VMP1: variants seen among roughly 807,000 people sequenced by gnomAD.
The protein encoded by VMP1 is ectopic P-granules autophagy protein 3 homolog.
In VMP1, 11 loss-of-function variants were observed where a neutral mutation model predicts 56.0. The ratio of observed to expected loss-of-function variants is 0.20; its 90% CI spans 0.12 to 0.32. The LOEUF is 0.32. Among genes scored for constraint, VMP1 ranks in the 10% least tolerant of loss-of-function variants. The pLI, the probability that VMP1 is intolerant of heterozygous loss-of-function variation, is 1.00. For synonymous variants in VMP1, 149 were observed against 165.0 expected, an observed-to-expected ratio of 0.90 and a Z score of 0.74; for missense variants, 296 against 490.3, an observed-to-expected ratio of 0.60 and a Z score of 3.74.
At chr17:59,735,534 C>T (rs1598311004) in intron 3 of VMP1, 61 bp downstream of exon 3, 5 of 1,576,448 alleles carry the variant, frequency 3.2e-6, no homozygotes, top group East Asian at 2.2e-5. Context: ...AAAAAATCCT[C>T]AGTAATCTCT....
chr17:59,788,331 A>G (rs1598394801), intron 7 of VMP1, among the ~76,000 whole-genome samples: 1 of 151,764 alleles, frequency 6.6e-6, no homozygotes, highest in South Asian at 2.1e-4. Context: ...TACTAAAAAT[A>G]CAAAAATTAC....
chr17:59,751,875 C>T (rs961915485), intron 5 of VMP1, among the ~76,000 whole-genome samples: 1 of 151,818 alleles, frequency 6.6e-6, no homozygotes, highest in Admixed American at 6.6e-5. Context: ...AGTACAGTGG[C>T]ATGAATATGG....
intron 11 of VMP1, 139 bp downstream of exon 11, chr17:59,838,536 A>G: frequency 5.1e-6 from 4 of 778,394 alleles, no homozygotes; most frequent in Non-Finnish European, 6.4e-6. Flanking sequence ...GCGTCTGTGT[A>G]TGCTCTACTG....
At chr17:59,824,528 G>C (rs1316715196) in intron 10 of VMP1, among the ~76,000 whole-genome samples, 2 of 149,038 alleles carry the variant, frequency 1.3e-5, no homozygotes, top group African/African-American at 4.9e-5. Flanking sequence ...AGCCAAGATC[G>C]TGCCAGTGCA....
At chr17:59,785,248 C>A (rs2036967412) in intron 7 of VMP1, among the ~76,000 whole-genome samples, 1 of 152,128 alleles carries the variant, frequency 6.6e-6, no homozygotes, top group African/African-American at 2.4e-5. Flanking sequence ...TTTTAATGAC[C>A]TGCTACTTGG....
intron 10 of VMP1, among the ~76,000 whole-genome samples, chr17:59,831,612 ATTTTTTT>A (rs34016289): frequency 7.5e-6 from 1 of 132,898 alleles, no homozygotes; most frequent in African/African-American, 2.8e-5. Context: ...TTTTGAATGG[ATTTTTTT>A]TTTTTTTTTT....
intron 10 of VMP1, 56 bp from the exon 11 acceptor site, chr17:59,838,239 C>T (rs2039045965): frequency 6.7e-7 from 1 of 1,482,136 alleles, no homozygotes; most frequent in Non-Finnish European, 9.3e-7. Context: ...TAACGTTTTT[C>T]CTGCTTTTCT....
rs147581285 is a variant in VMP1, at chr17:59,800,272, G to A, written c.715-8524G>A. On this transcript the variant is annotated intron_variant, in intron 7 of 11. Transcript: ENST00000262291. ...CATTTTAGAAAATATTTAATGATAC[G>A]TTATTAGGGTCTTAATAACAAGTTA... Among the ~76,000 whole-genome samples, 301 of 152,220 alleles carry A rather than the reference G, an allele frequency of 2.0e-3. 2 individuals are homozygous for A. Among genetic ancestry groups the A allele is most frequent in the African/African-American group, 6.8e-3 (282 of 41,538 alleles).
chr17:59,794,176 T>C (rs1211839730), intron 7 of VMP1, among the ~76,000 whole-genome samples: 1 of 143,900 alleles, frequency 6.9e-6, no homozygotes, highest in African/African-American at 2.6e-5. Flanking sequence ...TGCCTCAGCC[T>C]CCCAAAGTGC....
intron 5 of VMP1, among the ~76,000 whole-genome samples, chr17:59,752,507 T>C (rs1462360001): frequency 1.3e-5 from 2 of 152,196 alleles, no homozygotes; most frequent in Admixed American, 1.3e-4. Context: ...TTTCACATGA[T>C]GCTTTAGAAA....
At chr17:59,766,841 G>A (rs1436914621) in intron 6 of VMP1, among the ~76,000 whole-genome samples, 2 of 151,460 alleles carry the variant, frequency 1.3e-5, no homozygotes, top group South Asian at 2.1e-4. Flanking sequence ...GTGTGGTAGC[G>A]CAATCTCGGC....
chr17:59,760,854 C>T (rs985167719), intron 5 of VMP1, among the ~76,000 whole-genome samples: 14 of 152,286 alleles, frequency 9.2e-5, no homozygotes, highest in African/African-American at 3.4e-4. Context: ...CTCCTGACCT[C>T]ATGATCCACC....
intron 5 of VMP1, among the ~76,000 whole-genome samples, chr17:59,750,951 G>A (rs1320718600): frequency 1.3e-5 from 1 of 74,902 alleles, no homozygotes; most frequent in Non-Finnish European, 2.3e-5. Context: ...TTTTTTTTTG[G>A]AGACAGAGTC....
intron 10 of VMP1, among the ~76,000 whole-genome samples, chr17:59,836,532 A>T (rs148731545): frequency 6.6e-6 from 1 of 152,052 alleles, no homozygotes; most frequent in East Asian, 1.9e-4. Flanking sequence ...CCCCTCACTG[A>T]TCTCTCTTTT....
intron 5 of VMP1, among the ~76,000 whole-genome samples, chr17:59,757,727 T>C (rs2035895720): frequency 6.6e-6 from 1 of 152,076 alleles, no homozygotes; most frequent in Non-Finnish European, 1.5e-5. Context: ...TGAGACTAGA[T>C]ATATGGAACT....
At chr17:59,831,621 T>TTTA (rs1481112818) in intron 10 of VMP1, among the ~76,000 whole-genome samples, 1 of 151,714 alleles carries the variant, frequency 6.6e-6, no homozygotes, top group East Asian at 1.9e-4. Flanking sequence ...GATTTTTTTT[T>TTTA]TTTTTTTTTT....
chr17:59,791,784 A>G (rs2144123558), intron 7 of VMP1, among the ~76,000 whole-genome samples: 1 of 152,224 alleles, frequency 6.6e-6, no homozygotes, highest in East Asian at 1.9e-4. Context: ...ATATTTAAAT[A>G]AATTTTCCCC....
chr17:59,779,121 G>A (rs1195688899), intron 7 of VMP1, among the ~76,000 whole-genome samples: 1 of 152,176 alleles, frequency 6.6e-6, no homozygotes, highest in Non-Finnish European at 1.5e-5. Flanking sequence ...CAGTACGAAG[G>A]GGTTAAGACA....
chr17:59,817,625 A>G lies in VMP1; in HGVS notation c.913-87A>G, dbSNP rs2038290117. On this transcript the variant is annotated intron_variant, in intron 9 of 11. Transcript: ENST00000262291. Reference sequence around the variant, plus strand: ...AAATTGCAATTAGGGGCACAATCTTACCTCTTTAGACTATTACCAGAATTG... The same window carrying G: ...AAATTGCAATTAGGGGCACAATCTTGCCTCTTTAGACTATTACCAGAATTG... 9.7e-6 allele frequency: 9 copies of G among 928,564 alleles called. No homozygotes were observed. The South Asian group carries it at 1.1e-4, about 11-fold the overall frequency. The allele number at this position is 928,564 out of a possible 1,614,324, so 57.5% of individuals were successfully genotyped here. A position where few individuals can be genotyped will look rare whatever the true frequency, so the allele number is the denominator to read the frequency against.
Sources: gnomAD v4.1 joint callset for allele counts (sites outside exome capture counted in the v4.1 genomes callset) on GRCh38, gnomAD v4.1.1 for gene constraint, MANE v1.5 for transcripts, NCBI Gene and HGNC (gene_info 2026-07-23, HGNC 2026-07-21) for gene names.